Variants in ZNF718 observed in about 807,000 individuals in gnomAD.
ZNF718 encodes the protein zinc finger protein 718.
ZNF718 carries 3 observed loss-of-function variants against 2.6 expected under a neutral mutation model. The ratio of observed to expected loss-of-function variants is 1.16; its 90% confidence interval spans 0.53 to 3.01. The LOEUF (loss-of-function observed/expected upper bound fraction) is 3.01, where lower values mean the gene tolerates loss of function less well. Among genes scored for constraint, ZNF718 ranks in the 30% most tolerant of loss-of-function variants. The probability of loss-of-function intolerance (pLI) is 0.03; values close to 1 mark genes in which losing one functional copy is unlikely to be tolerated. For missense variants in ZNF718, 468 were observed against 230.0 expected (o/e 2.03, Z -6.69); for synonymous variants, 135 against 77.9 (o/e 1.73, Z -3.86).
In ZNF718 at chr4:128,089, G is replaced by A. The variant is rs1430669148; in HGVS notation, c.4-2699G>A. Among the ~76,000 whole-genome samples the A allele has an allele frequency of 1.9e-5, 2 of 104,044 alleles. 1 individual carries two copies. Among genetic ancestry groups the A allele is most frequent in the Non-Finnish European group, 4.3e-5 (2 of 46,686 alleles). 68.3% of individuals were successfully genotyped at this position (104,044 alleles called of 152,430 possible). A position where few individuals can be genotyped will look rare whatever the true frequency, so the allele number is the denominator to read the frequency against. On this transcript the variant is annotated intron_variant, in intron 1 of 3. Transcript: ENST00000510175. ...GTGATCTCTCCTCTGGTTTTACTCT[G>A]CTTACTCTAACCCCTAAGAATGTAG... is the stretch of plus-strand genomic sequence containing the variant.
intron 3 of ZNF718, among the ~76,000 whole-genome samples, chr4:157,663 T>A (rs1553813951): frequency 6.6e-6 from 1 of 152,172 alleles, no homozygotes; most frequent in Non-Finnish European, 1.5e-5. Flanking sequence ...TCAGTTTTTT[T>A]ATTCTACTCT....
At chr4:146,774 T>G (rs1716085782) in intron 3 of ZNF718, among the ~76,000 whole-genome samples, 1 of 108,898 alleles carries the variant, frequency 9.2e-6, no homozygotes, top group Non-Finnish European at 2.1e-5. Context: ...TGCTGGGGTG[T>G]TTTTTTTTTA....
At chr4:177,743 A>G (rs1461755895) in intron 3 of ZNF718, among the ~76,000 whole-genome samples, 1 of 152,186 alleles carries the variant, frequency 6.6e-6, no homozygotes, top group African/African-American at 2.4e-5. Flanking sequence ...TCCCTGACAA[A>G]GGACAAAACA....
At chr4:199,463 T>TGG (rs1333364841) in intron 3 of ZNF718, among the ~76,000 whole-genome samples, 1 of 151,768 alleles carries the variant, frequency 6.6e-6, no homozygotes, top group African/African-American at 2.4e-5. Flanking sequence ...ACCATGACTC[T>TGG]GGTAAATTAA....
At chr4:132,326 T>C (rs1164368746) in intron 3 of ZNF718, among the ~76,000 whole-genome samples, 1 of 103,834 alleles carries the variant, frequency 9.6e-6, no homozygotes, top group African/African-American at 3.4e-5. Context: ...CCCATGCTCT[T>C]AAATCTAAGA....
downstream of ZNF718, among the ~76,000 whole-genome samples, chr4:166,105 G>T (rs1717080876): frequency 6.6e-6 from 1 of 152,098 alleles, no homozygotes; most frequent in African/African-American, 2.4e-5. Flanking sequence ...GCAGTGTTTG[G>T]TTTTTTGTCC....
At chr4:191,988 C>A (rs1284046632) in intron 3 of ZNF718, among the ~76,000 whole-genome samples, 1 of 152,172 alleles carries the variant, frequency 6.6e-6, no homozygotes, top group African/African-American at 2.4e-5. Context: ...GACTAGTGTT[C>A]AGCTCAATTA....
rs561830038 is a variant in ZNF718 at position 181,281 on chromosome 4, C to T, written c.227-19800C>T. 9.6e-5 allele frequency among the ~76,000 whole-genome samples: 14 copies of T among 145,374 alleles called. No homozygotes were observed. The East Asian group carries it at 2.6e-3, about 27-fold the overall frequency. On this transcript the variant is annotated intron_variant and NMD_transcript_variant, in intron 3 of 4. Transcript: ENST00000642529. ...TCAGCCTCTCCAAGAGCTAGGATTA[C>T]AGGCATAAGCCATTGATCCTGGCCT...
intron 3 of ZNF718, among the ~76,000 whole-genome samples, chr4:155,921 T>G (rs977697409): frequency 6.6e-6 from 1 of 152,166 alleles, no homozygotes; most frequent in Non-Finnish European, 1.5e-5. Context: ...TGGGAGATAA[T>G]TGAATCAGGG....
chr4:192,663 G>A (rs1385262240), intron 3 of ZNF718, among the ~76,000 whole-genome samples: 1 of 152,208 alleles, frequency 6.6e-6, no homozygotes, highest in Non-Finnish European at 1.5e-5. Context: ...TTCCTCGGGA[G>A]GGGTGCCTTC....
chr4:193,019 G>T (rs1553821467), intron 3 of ZNF718, among the ~76,000 whole-genome samples: 1 of 152,162 alleles, frequency 6.6e-6, no homozygotes, highest in Non-Finnish European at 1.5e-5. Context: ...CCATTGGTTA[G>T]CTGCAGGCAA....
At chr4:180,480 A>G (rs1482359048) in intron 3 of ZNF718, among the ~76,000 whole-genome samples, 1 of 152,214 alleles carries the variant, frequency 6.6e-6, no homozygotes, top group Non-Finnish European at 1.5e-5. Context: ...GGTCGGGTTC[A>G]GTGACAATCA....
chr4:190,928 A>T (rs1717680153), intron 3 of ZNF718, among the ~76,000 whole-genome samples: 1 of 151,784 alleles, frequency 6.6e-6, no homozygotes, highest in Non-Finnish European at 1.5e-5. Context: ...AATCCTAGCT[A>T]CTTGGGAGGC....
chr4:137,658 ACCT>A (rs1715629463), intron 3 of ZNF718, among the ~76,000 whole-genome samples: 1 of 151,842 alleles, frequency 6.6e-6, no homozygotes, highest in African/African-American at 2.4e-5. Context: ...AAACATTTTC[ACCT>A]CCTGTTCATT....
intron 3 of ZNF718, among the ~76,000 whole-genome samples, chr4:195,842 C>G (rs538463234): frequency 6.6e-6 from 1 of 152,122 alleles, no homozygotes; most frequent in Non-Finnish European, 1.5e-5. Flanking sequence ...TATAGGGTCA[C>G]GGAGAAGACC....
chr4:135,398 T>A (rs1189802338), intron 3 of ZNF718, among the ~76,000 whole-genome samples: 1 of 152,046 alleles, frequency 6.6e-6, no homozygotes, highest in Non-Finnish European at 1.5e-5. Context: ...ATGTGTAAGA[T>A]GTACATTGGT....
At chr4:145,833 G>C (rs1351025524) in intron 3 of ZNF718, among the ~76,000 whole-genome samples, 1 of 152,008 alleles carries the variant, frequency 6.6e-6, no homozygotes, top group East Asian at 1.9e-4. Flanking sequence ...TTTAGAGACA[G>C]AGTCCCGCTA....
At chr4:134,360 A>G (rs1236421838) in intron 3 of ZNF718, among the ~76,000 whole-genome samples, 1 of 152,110 alleles carries the variant, frequency 6.6e-6, no homozygotes, top group African/African-American at 2.4e-5. Context: ...GTTAGCCAGG[A>G]TGGTCTCTAT....
rs1312613284 is a variant in ZNF718 at position 128,054 on chromosome 4, C to G, written c.4-2734C>G. Among the ~76,000 whole-genome samples, 4 of 103,826 alleles carry G rather than the reference C, an allele frequency of 3.9e-5. 1 individual carries two copies. Among genetic ancestry groups the G allele is most frequent in the African/African-American group, 1.3e-4 (4 of 29,804 alleles). 68.1% of individuals were successfully genotyped at this position (103,826 alleles called of 152,430 possible). On this transcript the variant is annotated intron_variant, in intron 1 of 3. Coordinates refer to ENST00000510175, the MANE Select transcript of ZNF718 (RefSeq NM_001039127.6). The stretch of plus-strand genomic sequence containing the variant: ...TATTCTTAAGAATGTGTTGAAGGAG[C>G]CTCCATGAGGTGATCTCTCCTCTGG...
Sources: gnomAD v4.1 joint callset for allele counts (sites outside exome capture counted in the v4.1 genomes callset) on GRCh38, gnomAD v4.1.1 for gene constraint, MANE v1.5 for transcripts, NCBI Gene and HGNC (gene_info 2026-07-23, HGNC 2026-07-21) for gene names.